Variants in RBMS3 observed in about 807,000 individuals in gnomAD.
The protein encoded by RBMS3 is RNA-binding motif, single-stranded-interacting protein 3.
Under a neutral mutation model 66.8 loss-of-function variants are expected in RBMS3, and 27 were observed. The observed-to-expected ratio is 0.40, with a 90% CI of 0.30 to 0.56. The LOEUF (loss-of-function observed/expected upper bound fraction) is 0.56, where lower values mean the gene tolerates loss of function less well. Ranked by LOEUF, RBMS3 falls within the 20% of genes least tolerant of loss-of-function variation. RBMS3 has a pLI of 0.40. For synonymous variants in RBMS3, 188 were observed against 183.0 expected (o/e 1.03, Z -0.22); for missense variants, 513 against 549.5 (o/e 0.93, Z 0.66).
intron 4 of RBMS3, among the ~76,000 whole-genome samples, chr3:29,725,284 T>A (rs1443848455): frequency 6.6e-6 from 1 of 152,186 alleles, no homozygotes; most frequent in East Asian, 1.9e-4. Context: ...AACGTAAGAC[T>A]TATTTCTTTC....
At chr3:29,985,614 C>T (rs1425073306) in intron 12 of RBMS3, among the ~76,000 whole-genome samples, 1 of 152,096 alleles carries the variant, frequency 6.6e-6, no homozygotes, top group Non-Finnish European at 1.5e-5. Flanking sequence ...GTTATCCAAC[C>T]CCTTGTGCTT....
rs1021367717 is a variant in RBMS3 at position 29,396,358 on chromosome 3, A to T, written c.76-38385A>T. ...CCAGGTTAAGGGGGACAAAAGTGAC[A>T]TAACAATTAAATGCACTGTAACTGG... On this transcript the variant is annotated intron_variant, in intron 1 of 14. Coordinates refer to ENST00000383767, the MANE Select transcript of RBMS3 (RefSeq NM_001003793.3). Among the ~76,000 whole-genome samples, 3 of 152,216 alleles carry T rather than the reference A, an allele frequency of 2.0e-5. 1 individual carries two copies. The highest frequency in any genetic ancestry group is 2.0e-4 in the Admixed American group (3 of 15,274).
intron 4 of RBMS3, among the ~76,000 whole-genome samples, chr3:29,655,974 A>C (rs2149220422): frequency 6.6e-6 from 1 of 152,302 alleles, no homozygotes; most frequent in East Asian, 1.9e-4. Flanking sequence ...AATGTAAAAA[A>C]TAGCAGAAAG....
At chr3:29,542,958 A>C (rs1238220054) in intron 3 of RBMS3, among the ~76,000 whole-genome samples, 1 of 152,228 alleles carries the variant, frequency 6.6e-6, no homozygotes, top group Admixed American at 6.5e-5. Context: ...AAATATTTTT[A>C]AATGATTTAA....
chr3:29,890,936 T>G (rs1425565239), intron 8 of RBMS3, among the ~76,000 whole-genome samples: 1 of 151,476 alleles, frequency 6.6e-6, no homozygotes, highest in African/African-American at 2.4e-5. Context: ...GAGGCAGTTG[T>G]GTTCTGATGA....
At chr3:29,361,855 G>A (rs1407045519) in intron 1 of RBMS3, among the ~76,000 whole-genome samples, 2 of 152,144 alleles carry the variant, frequency 1.3e-5, no homozygotes, top group African/African-American at 2.4e-5. Context: ...ACTGAAGCTT[G>A]TGCATTCATC....
At chr3:29,888,961 C>T (rs773489179) in intron 8 of RBMS3, among the ~76,000 whole-genome samples, 1 of 151,650 alleles carries the variant, frequency 6.6e-6, no homozygotes, top group Non-Finnish European at 1.5e-5. Flanking sequence ...TACCTCCCCC[C>T]ACGAACAATT....
Position 29,700,636 on chromosome 3 carries a change from G to C in RBMS3, c.400-39084G>C, listed in dbSNP as rs535451825. Among the ~76,000 whole-genome samples, 4 of 151,870 alleles carry C rather than the reference G, an allele frequency of 2.6e-5. No individual in the cohort carries two copies. The East Asian group carries it at 7.7e-4, about 29-fold the overall frequency. ...AAGTACTATAGTAAGATATGAATAG[G>C]TGCAAAAGAGGGAATCCTAACTCAA... On this transcript the variant is annotated intron_variant, in intron 4 of 14. Coordinates refer to ENST00000383767, the MANE Select transcript of RBMS3 (RefSeq NM_001003793.3).
chr3:29,598,287 A>T (rs1015223711), intron 4 of RBMS3, among the ~76,000 whole-genome samples: 1 of 152,060 alleles, frequency 6.6e-6, no homozygotes, highest in Admixed American at 6.6e-5. Flanking sequence ...ACATCATTAA[A>T]ACTGTGTACC....
At position 30,008,292 on chromosome 3, in the gene RBMS3, ATTCT is replaced by A. The variant is rs1400012172; in HGVS notation, c.*4432_*4435del. ...AAAATACATTTGGCAATTCATTTTC[ATTCT>A]TAATTTGAGTGCATGAACCACTGCA... On this transcript the variant is annotated 3_prime_UTR_variant, in exon 15 of 15. Coordinates refer to ENST00000383767, the MANE Select transcript of RBMS3 (RefSeq NM_001003793.3). 1 of 151,904 alleles carries A rather than the reference ATTCT, an allele frequency of 6.6e-6. No individual in the cohort carries two copies. Among genetic ancestry groups the A allele is most frequent in the African/African-American group, 2.4e-5 (1 of 41,352 alleles). 9.4% of individuals were successfully genotyped at this position (151,904 alleles called of 1,614,324 possible). A position where few individuals can be genotyped will look rare whatever the true frequency, so the allele number is the denominator to read the frequency against.
intron 3 of RBMS3, among the ~76,000 whole-genome samples, chr3:29,562,037 C>A (rs551803278): frequency 2.6e-5 from 4 of 151,896 alleles, no homozygotes; most frequent in East Asian, 1.9e-4. Context: ...TAAAGAGAAG[C>A]CTTTGTAAAG....
chr3:29,569,691 A>T (rs2046876570), intron 3 of RBMS3, among the ~76,000 whole-genome samples: 1 of 152,188 alleles, frequency 6.6e-6, no homozygotes, highest in Non-Finnish European at 1.5e-5. Context: ...CTTGCAATGC[A>T]TGAAAGTCTT....
chr3:29,489,433 A>G (rs543614347), intron 3 of RBMS3, among the ~76,000 whole-genome samples: 153 of 152,198 alleles, frequency 1.0e-3, no homozygotes, highest in African/African-American at 3.6e-3. Context: ...ATATTACAAG[A>G]CAAAGAATAA....
intron 3 of RBMS3, among the ~76,000 whole-genome samples, chr3:29,546,880 C>T: frequency 6.6e-6 from 1 of 152,176 alleles, no homozygotes; most frequent in Middle Eastern, 3.2e-3. Flanking sequence ...GACATGGAAT[C>T]TATCTAGAAA....
chr3:29,510,090 T>C (rs2044338675), intron 3 of RBMS3, among the ~76,000 whole-genome samples: 1 of 152,216 alleles, frequency 6.6e-6, no homozygotes, highest in African/African-American at 2.4e-5. Flanking sequence ...TAAGTACCTG[T>C]GGACTCCATA....
At chr3:29,510,752 A>G (rs573841876) in intron 3 of RBMS3, among the ~76,000 whole-genome samples, 1 of 152,302 alleles carries the variant, frequency 6.6e-6, no homozygotes, top group Non-Finnish European at 1.5e-5. Context: ...GGGATGCTCA[A>G]TTTGTAATAT....
intron 10 of RBMS3, among the ~76,000 whole-genome samples, chr3:29,907,715 C>A (rs1242406421): frequency 1.3e-5 from 2 of 151,800 alleles, no homozygotes; most frequent in African/African-American, 4.8e-5. Context: ...TTTGAATATT[C>A]AATTAACAAA....
At chr3:29,417,105 G>A (rs1011002614) in intron 1 of RBMS3, among the ~76,000 whole-genome samples, 1 of 152,056 alleles carries the variant, frequency 6.6e-6, no homozygotes, top group Non-Finnish European at 1.5e-5. Context: ...AGCAAAAAAG[G>A]AGAGGGGATT....
chr3:29,898,369 G>C (rs1297522839), intron 9 of RBMS3, among the ~76,000 whole-genome samples: 1 of 151,616 alleles, frequency 6.6e-6, no homozygotes, highest in Non-Finnish European at 1.5e-5. Context: ...GAATTTTGCA[G>C]CTGGTGGGGG....
Sources: allele counts gnomAD v4.1 joint callset (sites outside exome capture counted in the v4.1 genomes callset), GRCh38; gene constraint gnomAD v4.1.1; transcripts MANE v1.5; gene names NCBI Gene and HGNC (gene_info 2026-07-23, HGNC 2026-07-21).